The following RPTOR variants were observed in gnomAD, a reference collection of about 807,000 sequenced individuals.
RPTOR encodes regulatory associated protein of MTOR complex 1.
A neutral mutation model predicts 169.9 loss-of-function variants in RPTOR; 21 were observed. The ratio of observed to expected loss-of-function variants is 0.12; its 90% CI spans 0.09 to 0.18. The LOEUF is 0.18. Among genes scored for constraint, RPTOR ranks in the 10% least tolerant of loss-of-function variants. The probability of loss-of-function intolerance (pLI) is 1.00; values close to 1 mark genes in which losing one functional copy is unlikely to be tolerated. For synonymous variants in RPTOR, 732 were observed against 753.2 expected, an observed-to-expected ratio of 0.97 and a Z score of 0.46; for missense variants, 1,133 against 1,855.9, an observed-to-expected ratio of 0.61 and a Z score of 7.16.
chr17:80,603,420 C>T (rs1238600325), intron 1 of RPTOR, among the ~76,000 whole-genome samples: 6 of 152,150 alleles, frequency 3.9e-5, no homozygotes, highest in African/African-American at 9.7e-5. Flanking sequence ...TGACCCTGCG[C>T]GCTTTGCAAG....
intron 3 of RPTOR, among the ~76,000 whole-genome samples, chr17:80,694,409 C>T (rs570185106): frequency 6.6e-6 from 1 of 152,220 alleles, no homozygotes; most frequent in Admixed American, 6.5e-5. Context: ...CTGTGCATTG[C>T]GTTGGTCGGC....
intron 3 of RPTOR, among the ~76,000 whole-genome samples, chr17:80,663,214 G>A (rs1458568576): frequency 6.6e-6 from 1 of 152,158 alleles, no homozygotes; most frequent in African/African-American, 2.4e-5. Context: ...ACAGGTTCAC[G>A]CTGCACCTGT....
intron 20 of RPTOR, among the ~76,000 whole-genome samples, chr17:80,908,126 C>T (rs966303248): frequency 2.0e-5 from 3 of 152,228 alleles, no homozygotes; most frequent in Admixed American, 6.5e-5. Context: ...GAAGCCTCAG[C>T]GCTTCCCTCC....
chr17:80,960,279 C>T lies in RPTOR; in HGVS notation c.3605+74C>T. ...CCAGGTGGTAGGGCCGTGTCACTGC[C>T]ATTTGGTTGGGTCCAGGTTTCTCAG... is the stretch of plus-strand genomic sequence containing the variant. On this transcript the variant is annotated intron_variant, in intron 30 of 33. Coordinates refer to ENST00000306801, the MANE Select transcript of RPTOR (RefSeq NM_020761.3). This position sits in a 1 kb window ranked among gnomAD's most constrained non-coding sequence, Gnocchi z 4.8. The T allele has an allele frequency of 1.3e-6, 2 of 1,585,118 alleles. No homozygotes were observed. The highest frequency in any genetic ancestry group is 1.7e-6 in the Non-Finnish European group (2 of 1,158,722).
chr17:80,698,369 C>T (rs1262744386), intron 3 of RPTOR, among the ~76,000 whole-genome samples: 3 of 150,744 alleles, frequency 2.0e-5, no homozygotes, highest in Non-Finnish European at 4.4e-5. Context: ...TGGAGGATAG[C>T]GTGAAAAGTG....
chr17:80,776,217 AAAT>A (rs2066890458), intron 6 of RPTOR, among the ~76,000 whole-genome samples: 2 of 152,202 alleles, frequency 1.3e-5, no homozygotes, highest in South Asian at 4.1e-4. Flanking sequence ...TAAAAGAAAA[AAAT>A]AATAATATTT....
rs1190564002 is a variant in RPTOR at position 80,830,982 on chromosome 17, C to T, written c.1137-6940C>T. Among the ~76,000 whole-genome samples, 6 of 152,090 alleles carry T rather than the reference C, an allele frequency of 3.9e-5. No homozygotes were observed. The East Asian group carries it at 1.2e-3, about 29-fold the overall frequency. On this transcript the variant is annotated intron_variant, in intron 9 of 33. Transcript: ENST00000306801. Reference sequence around the variant, plus strand: ...CTGGTCTTGAACTCCTGAGCTCAGACAATCCTCCCACCTTGGCCTCCCAAA... The same window carrying T: ...CTGGTCTTGAACTCCTGAGCTCAGATAATCCTCCCACCTTGGCCTCCCAAA...
chr17:80,753,404 A>G (rs974796637), intron 5 of RPTOR, among the ~76,000 whole-genome samples: 2 of 151,966 alleles, frequency 1.3e-5, no homozygotes, highest in Non-Finnish European at 2.9e-5. Flanking sequence ...GGAGGCCGAG[A>G]CGGGCGGATC....
chr17:80,893,325 CGCGCCAGGTGTGTGT>C (rs1199982692), intron 19 of RPTOR, among the ~76,000 whole-genome samples: 1 of 116,454 alleles, frequency 8.6e-6, no homozygotes, highest in Non-Finnish European at 1.7e-5. Flanking sequence ...GGTGTGTGCG[CGCGCCAGGTGTGTGT>C]GCGCCAGGGT....
At chr17:80,666,443 G>A (rs1232114439) in intron 3 of RPTOR, among the ~76,000 whole-genome samples, 2 of 152,122 alleles carry the variant, frequency 1.3e-5, no homozygotes, top group Admixed American at 1.3e-4. Context: ...TATAGGTGAG[G>A]CCGAAACAAG....
intron 4 of RPTOR, among the ~76,000 whole-genome samples, chr17:80,711,829 C>T (rs988885042): frequency 2.1e-5 from 3 of 140,772 alleles, no homozygotes; most frequent in Non-Finnish European, 4.5e-5. Context: ...CTGCAGCGTC[C>T]GCCTCCTGGG....
At chr17:80,928,167 G>A (rs1002741858) in intron 24 of RPTOR, among the ~76,000 whole-genome samples, 4 of 152,190 alleles carry the variant, frequency 2.6e-5, no homozygotes, top group African/African-American at 9.7e-5. Flanking sequence ...GATAGCAACT[G>A]CAGTCTTAGG....
At chr17:80,819,877 C>T (rs2143606249) in intron 7 of RPTOR, among the ~76,000 whole-genome samples, 1 of 152,318 alleles carries the variant, frequency 6.6e-6, no homozygotes, top group African/African-American at 2.4e-5. Flanking sequence ...GCTGGCAGTG[C>T]TCCAGGCACG....
chr17:80,803,198 G>A lies in RPTOR; in HGVS notation c.890+11689G>A, dbSNP rs2067180412. 1 of 152,266 alleles carries A rather than the reference G, an allele frequency of 6.6e-6. No individual in the cohort carries two copies. The highest frequency in any genetic ancestry group is 2.1e-4 in the South Asian group (1 of 4,828). 9.4% of individuals were successfully genotyped at this position (152,266 alleles called of 1,614,324 possible). A position where few individuals can be genotyped will look rare whatever the true frequency, so the allele number is the denominator to read the frequency against. ...GTGGCGTGAGGCGCCAGCATAACCG[G>A]GGACCCCGGGTGTGTGGTGGCTTTT... On this transcript the variant is annotated intron_variant, in intron 7 of 33. Transcript: ENST00000306801. This position sits in a 1 kb window ranked among gnomAD's most constrained non-coding sequence, Gnocchi z 6.2.
rs1207494086 is a variant in RPTOR, at chr17:80,746,306, C to T, written c.655-7704C>T. Among the ~76,000 whole-genome samples, 3 of 143,898 alleles carry T rather than the reference C, an allele frequency of 2.1e-5. No individual in the cohort carries two copies. The highest frequency in any genetic ancestry group is 4.4e-4 in the South Asian group (2 of 4,504). The allele number at this position is 143,898 out of a possible 152,430, so 94.4% of individuals were successfully genotyped here. On this transcript the variant is annotated intron_variant, in intron 5 of 33. Transcript: ENST00000306801. This position sits in a 1 kb window ranked among gnomAD's most constrained non-coding sequence, Gnocchi z 4.5. ...CACAGCGGTGCTTTCTGCGGGTGATCCCCACCGCCCCCACAGCGGTGCTTT... is the reference window on the plus strand; with the variant it reads ...CACAGCGGTGCTTTCTGCGGGTGATTCCCACCGCCCCCACAGCGGTGCTTT...
chr17:80,621,992 T>C (rs2065358149), intron 1 of RPTOR, among the ~76,000 whole-genome samples: 1 of 152,228 alleles, frequency 6.6e-6, no homozygotes, highest in Admixed American at 6.5e-5. Flanking sequence ...TAATGCTGTT[T>C]CTTCCACGGG....
chr17:80,825,095 G>A (rs934406141), intron 9 of RPTOR, among the ~76,000 whole-genome samples: 5 of 148,828 alleles, frequency 3.4e-5, no homozygotes, highest in African/African-American at 5.0e-5. Context: ...GCCACGTGGC[G>A]AGGTCAGCGT....
chr17:80,829,499 CCCAACCAGACACAT>C (rs2067479808), intron 9 of RPTOR, among the ~76,000 whole-genome samples: 1 of 152,238 alleles, frequency 6.6e-6, no homozygotes, highest in African/African-American at 2.4e-5. Context: ...ATTCTGCGAG[CCCAACCAGACACAT>C]CCAACCCGAC....
In RPTOR at chr17:80,718,195, T is replaced by C. The variant is rs547864838; in HGVS notation, c.507+10196T>C. Among the ~76,000 whole-genome samples the C allele has an allele frequency of 3.1e-4, 47 of 152,326 alleles. No homozygotes were observed. In the East Asian group the frequency reaches 7.5e-3, roughly 24 times the overall value. On this transcript the variant is annotated intron_variant, in intron 4 of 33. Transcript: ENST00000306801. ...TCCAGGTTACCTGCCTTTCCTTAAT[T>C]TACTGAACATAAAGTTGGAGTTTTA...
Sources: allele counts gnomAD v4.1 joint callset (sites outside exome capture counted in the v4.1 genomes callset), GRCh38; gene constraint gnomAD v4.1.1; non-coding constraint Gnocchi (gnomAD v3.1); transcripts MANE v1.5; gene names NCBI Gene and HGNC (gene_info 2026-07-23, HGNC 2026-07-21).